CLIP2: variants seen among roughly 807,000 people sequenced by gnomAD.
CLIP2 encodes CAP-Gly domain-containing linker protein 2.
In CLIP2, 41 loss-of-function variants were observed where a neutral mutation model predicts 111.7. That is an observed-to-expected ratio of 0.37 (90% CI 0.29 to 0.48). CLIP2 has a LOEUF of 0.48. Among genes scored for constraint, CLIP2 ranks in the 20% least tolerant of loss-of-function variants. The probability of loss-of-function intolerance (pLI) is 0.99; values close to 1 mark genes in which losing one functional copy is unlikely to be tolerated. For missense variants in CLIP2, 1,160 were observed against 1,422.1 expected (o/e 0.82, Z 2.96); for synonymous variants, 660 against 644.2 (o/e 1.02, Z -0.37).
At chr7:74,368,143 G>A (rs1416403917) in intron 8 of CLIP2, among the ~76,000 whole-genome samples, 4 of 152,168 alleles carry the variant, frequency 2.6e-5, no homozygotes, top group South Asian at 2.1e-4. Flanking sequence ...AGTCCGGGCA[G>A]TTGAGGCTGC....
At chr7:74,306,430 C>T (rs1296706960) in intron 1 of CLIP2, among the ~76,000 whole-genome samples, 6 of 152,174 alleles carry the variant, frequency 3.9e-5, no homozygotes, top group African/African-American at 1.4e-4. Flanking sequence ...GAGAGAGCCA[C>T]GTCCGGGGTC....
intron 2 of CLIP2, among the ~76,000 whole-genome samples, chr7:74,337,944 G>T (rs1390728167): frequency 1.3e-5 from 2 of 152,108 alleles, no homozygotes; most frequent in East Asian, 1.9e-4. Context: ...GCTCTGGAGG[G>T]CTGGAAGAGT....
chr7:74,386,977 G>C (rs1229703943), intron 12 of CLIP2, among the ~76,000 whole-genome samples: 1 of 148,788 alleles, frequency 6.7e-6, no homozygotes, highest in Non-Finnish European at 1.5e-5. Flanking sequence ...GAGCCGAGAT[G>C]GCGCCACTGC....
intron 1 of CLIP2, among the ~76,000 whole-genome samples, chr7:74,305,823 A>C (rs1788465263): frequency 7.1e-6 from 1 of 141,820 alleles, no homozygotes; most frequent in Non-Finnish European, 1.5e-5. Context: ...CCATCTCAGC[A>C]GCCCCCAGCT....
intron 1 of CLIP2, among the ~76,000 whole-genome samples, chr7:74,296,393 C>T (rs1389045985): frequency 1.3e-5 from 2 of 152,080 alleles, no homozygotes; most frequent in East Asian, 3.9e-4. Flanking sequence ...ACCTGTAATC[C>T]CAGCTACTCG....
At chr7:74,310,054 A>AAAAAAAAAAAAAC (rs1788603986) in intron 1 of CLIP2, among the ~76,000 whole-genome samples, 1 of 25,324 alleles carries the variant, frequency 3.9e-5, no homozygotes. Flanking sequence ...AAAAAAAAAA[A>AAAAAAAAAAAAAC]AAAAAAAAAA....
chr7:74,308,146 G>A (rs1788545244), intron 1 of CLIP2, among the ~76,000 whole-genome samples: 2 of 152,190 alleles, frequency 1.3e-5, no homozygotes, highest in South Asian at 4.1e-4. Flanking sequence ...CATCAGGCTA[G>A]GTGTCAGTAG....
rs1266094970 is a variant in CLIP2, at chr7:74,364,386, G to T, written c.1380+71G>T. The T allele has an allele frequency of 5.0e-6, 7 of 1,391,736 alleles. No homozygotes were observed. In the African/African-American group the frequency reaches 5.7e-5, roughly 11 times the overall value. The allele number at this position is 1,391,736 out of a possible 1,614,324, so 86.2% of individuals were successfully genotyped here. Reference sequence around the variant, plus strand: ...CTGGCCCTTGCTAGGGCAGATGGTTGTGAGGTCCAGCAGCACCTCTAGGCC... The same window carrying T: ...CTGGCCCTTGCTAGGGCAGATGGTTTTGAGGTCCAGCAGCACCTCTAGGCC... On this transcript the variant is annotated intron_variant, in intron 8 of 16. Coordinates refer to ENST00000223398, the MANE Select transcript of CLIP2 (RefSeq NM_003388.5).
At chr7:74,308,824 T>C (rs1462332876) in intron 1 of CLIP2, among the ~76,000 whole-genome samples, 1 of 152,088 alleles carries the variant, frequency 6.6e-6, no homozygotes, top group Non-Finnish European at 1.5e-5. Context: ...TTCAAAGTGC[T>C]GAGATTACAG....
chr7:74,364,053 G>A (rs1790409562), intron 7 of CLIP2, among the ~76,000 whole-genome samples: 2 of 152,204 alleles, frequency 1.3e-5, no homozygotes, highest in Admixed American at 1.3e-4. Flanking sequence ...CTGCCATTCT[G>A]GAGTTATTGG....
chr7:74,334,219 G>C (rs1584334918), intron 2 of CLIP2, among the ~76,000 whole-genome samples: 1 of 152,314 alleles, frequency 6.6e-6, no homozygotes, highest in East Asian at 1.9e-4. Context: ...ATGTCTCAGC[G>C]TGCATGGAAT....
chr7:74,366,604 G>A (rs1469266528), intron 8 of CLIP2, among the ~76,000 whole-genome samples: 2 of 152,216 alleles, frequency 1.3e-5, no homozygotes, highest in South Asian at 2.1e-4. Flanking sequence ...AAGGCTGGGC[G>A]TGGTGGCTCA....
At chr7:74,389,387 G>C (rs769684158) in intron 13 of CLIP2, 128 bp downstream of exon 13, 1 of 905,318 alleles carries the variant, frequency 1.1e-6, no homozygotes, top group Admixed American at 3.0e-5. Context: ...GGCCGATCTC[G>C]AGCGATCACC....
rs71094774 is a variant in CLIP2, at chr7:74,310,036, C to CA, written c.-67-7402dup. ...GCAATATGGCAAGACCCTGTCTCTACAAAAAAAAAAAAAAAAAAAAAAAAA... is the reference window on the plus strand; with the variant it reads ...GCAATATGGCAAGACCCTGTCTCTACAAAAAAAAAAAAAAAAAAAAAAAAAA... On this transcript the variant is annotated intron_variant, in intron 1 of 16. Transcript: ENST00000223398. Among the ~76,000 whole-genome samples, 228 of 92,426 alleles carry CA rather than the reference C, an allele frequency of 2.5e-3. 23 individuals carry two copies. Among genetic ancestry groups the CA allele is most frequent in the African/African-American group, 5.4e-3 (88 of 16,212 alleles). The allele number at this position is 92,426 out of a possible 152,430, so 60.6% of individuals were successfully genotyped here.
intron 2 of CLIP2, among the ~76,000 whole-genome samples, chr7:74,321,965 T>A (rs1788967462): frequency 6.8e-6 from 1 of 146,802 alleles, no homozygotes; most frequent in South Asian, 2.1e-4. Flanking sequence ...TTTTTATTTT[T>A]ATTATTTTAT....
intron 11 of CLIP2, among the ~76,000 whole-genome samples, chr7:74,383,306 C>T (rs989655699): frequency 1.3e-5 from 2 of 152,098 alleles, no homozygotes; most frequent in Non-Finnish European, 1.5e-5. Flanking sequence ...CCCCAACCCT[C>T]ATTGATTGGA....
intron 1 of CLIP2, among the ~76,000 whole-genome samples, chr7:74,301,222 T>A (rs782246632): frequency 7.9e-5 from 12 of 152,238 alleles, no homozygotes; most frequent in Non-Finnish European, 1.6e-4. Flanking sequence ...GCCGCTTGTA[T>A]GTCTTCTTTT....
At chr7:74,360,851 C>T (rs1213676199) in intron 7 of CLIP2, among the ~76,000 whole-genome samples, 1 of 152,096 alleles carries the variant, frequency 6.6e-6, no homozygotes, top group Non-Finnish European at 1.5e-5. Flanking sequence ...CTTGGAACAC[C>T]GCATTTGTTC....
intron 8 of CLIP2, among the ~76,000 whole-genome samples, chr7:74,366,451 A>G (rs1252120746): frequency 6.6e-6 from 1 of 152,180 alleles, no homozygotes; most frequent in African/African-American, 2.4e-5. Flanking sequence ...TACCATGCCC[A>G]TTTGACATCT....
Sources: gnomAD v4.1 joint callset for allele counts (sites outside exome capture counted in the v4.1 genomes callset) on GRCh38, gnomAD v4.1.1 for gene constraint, MANE v1.5 for transcripts, NCBI Gene and HGNC (gene_info 2026-07-23, HGNC 2026-07-21) for gene names.